The following ROBO2 variants were observed in gnomAD, a reference collection of about 807,000 sequenced individuals.
ROBO2 encodes the protein roundabout guidance receptor 2, also known as roundabout homolog 2.
ROBO2 carries 53 observed loss-of-function variants against 160.8 expected under a neutral mutation model. The observed-to-expected ratio is 0.33, with a 90% CI of 0.26 to 0.41. ROBO2 has a LOEUF of 0.41. ROBO2 is among the 10% of genes least tolerant of loss of function. The pLI is 1.00. For missense variants in ROBO2, 1,577 were observed against 1,722.4 expected (o/e 0.92, Z 1.49); for synonymous variants, 664 against 611.7 (o/e 1.09, Z -1.26).
intron 3 of ROBO2, among the ~76,000 whole-genome samples, chr3:77,480,235 G>C (rs2084520133): frequency 6.6e-6 from 1 of 151,164 alleles, no homozygotes; most frequent in South Asian, 2.1e-4. Context: ...AAACCAACAT[G>C]TTCTTATCTT....
At chr3:77,042,380 A>G (rs1265165967) in intron 1 of ROBO2, among the ~76,000 whole-genome samples, 1 of 152,238 alleles carries the variant, frequency 6.6e-6, no homozygotes, top group Non-Finnish European at 1.5e-5. Context: ...AATTTGGTAT[A>G]ACTTTTAAAA....
intron 2 of ROBO2, among the ~76,000 whole-genome samples, chr3:77,220,010 G>A (rs1207432430): frequency 1.3e-5 from 2 of 151,440 alleles, no homozygotes; most frequent in Non-Finnish European, 2.9e-5. Flanking sequence ...CTGTTTTTTT[G>A]TTTGTCTTGT....
Position 76,321,434 on chromosome 3 carries a change from C to T in ROBO2, c.109+383832C>T, listed in dbSNP as rs539250729. On this transcript the variant is annotated intron_variant, in intron 2 of 26. Coordinates refer to the ROBO2 transcript ENST00000487694. ...AGGAGAATCTCTTGAACCCAGGAGG[C>T]GGAAGTTGCAGTAAGATCATGCCAC... is the stretch of plus-strand genomic sequence containing the variant. Among the ~76,000 whole-genome samples, 11 of 152,120 alleles carry T rather than the reference C, an allele frequency of 7.2e-5. No homozygotes were observed. The East Asian group carries it at 1.2e-3, about 16-fold the overall frequency.
chr3:77,380,170 G>A (rs1383730274), intron 2 of ROBO2, among the ~76,000 whole-genome samples: 2 of 152,218 alleles, frequency 1.3e-5, no homozygotes, highest in South Asian at 2.1e-4. Flanking sequence ...GCCACCTGAA[G>A]TGGAATTTTA....
chr3:76,615,408 A>C (rs10511051), intron 2 of ROBO2, among the ~76,000 whole-genome samples: 49,743 of 152,000 alleles, frequency 0.33, 9,244 homozygotes, highest in Middle Eastern at 0.45. Flanking sequence ...TTTAATAATA[A>C]TAATCATCCC....
At chr3:75,930,457 A>C (rs186683641) in intron 1 of ROBO2, among the ~76,000 whole-genome samples, 1 of 152,208 alleles carries the variant, frequency 6.6e-6, no homozygotes, top group Non-Finnish European at 1.5e-5. Context: ...TAGTAGAACA[A>C]TTTATTTGTT....
At chr3:77,558,258 C>T (rs186792854) in intron 9 of ROBO2, 109 bp downstream of exon 10, 96 of 864,268 alleles carry the variant, frequency 1.1e-4, no homozygotes, top group Non-Finnish European at 1.6e-4. Flanking sequence ...AATTGCTGCA[C>T]GTTTAAAAAC....
chr3:76,282,598 C>G (rs970963515), intron 2 of ROBO2, among the ~76,000 whole-genome samples: 1 of 151,876 alleles, frequency 6.6e-6, no homozygotes. Context: ...CATTTTAAAA[C>G]TTTGTGCTGA....
chr3:77,468,634 C>T (rs1582208282), intron 2 of ROBO2, among the ~76,000 whole-genome samples: 1 of 152,176 alleles, frequency 6.6e-6, no homozygotes, highest in East Asian at 1.9e-4. Context: ...TCGAAGCTGG[C>T]CATTCCTCCT....
chr3:77,544,668 G>A (rs1489533872), intron 6 of ROBO2, among the ~76,000 whole-genome samples: 5 of 152,036 alleles, frequency 3.3e-5, no homozygotes, highest in African/African-American at 9.7e-5. Flanking sequence ...CTTTTCTCCT[G>A]AAGGACTGAA....
At chr3:76,800,426 A>C (rs1041938426) in intron 2 of ROBO2, among the ~76,000 whole-genome samples, 2 of 152,194 alleles carry the variant, frequency 1.3e-5, no homozygotes, top group African/African-American at 4.8e-5. Flanking sequence ...CAACAAAGTG[A>C]AGAGACAACC....
At chr3:76,358,811 G>C (rs2075330410) in intron 2 of ROBO2, among the ~76,000 whole-genome samples, 1 of 151,632 alleles carries the variant, frequency 6.6e-6, no homozygotes, top group Non-Finnish European at 1.5e-5. Context: ...TAGGGTACAT[G>C]TGCACAATGT....
intron 1 of ROBO2, among the ~76,000 whole-genome samples, chr3:75,917,628 G>A (rs1351561186): frequency 6.6e-6 from 1 of 152,152 alleles, no homozygotes. Flanking sequence ...TTCCACAATG[G>A]TTGAACTATT....
intron 2 of ROBO2, among the ~76,000 whole-genome samples, chr3:76,359,241 A>G (rs115963619): frequency 2.0e-5 from 3 of 152,048 alleles, no homozygotes; most frequent in African/African-American, 4.8e-5. Flanking sequence ...ATACGTGTGC[A>G]TGTGTCTTGG....
At chr3:76,880,034 C>T (rs1305341683) in intron 2 of ROBO2, among the ~76,000 whole-genome samples, 7 of 152,046 alleles carry the variant, frequency 4.6e-5, no homozygotes, top group Admixed American at 4.6e-4. Context: ...TACATGTTTT[C>T]CAAGGGCCTT....
chr3:76,600,387 G>C (rs1407476616), intron 2 of ROBO2, among the ~76,000 whole-genome samples: 1 of 152,154 alleles, frequency 6.6e-6, no homozygotes, highest in Non-Finnish European at 1.5e-5. Flanking sequence ...GTAAGTCTCT[G>C]TGTTAGTTCG....
chr3:76,400,095 C>T (rs1376076549), intron 2 of ROBO2, among the ~76,000 whole-genome samples: 1 of 151,654 alleles, frequency 6.6e-6, no homozygotes, highest in African/African-American at 2.4e-5. Context: ...AACAAACTTT[C>T]ATTTTGTGTA....
intron 2 of ROBO2, among the ~76,000 whole-genome samples, chr3:77,260,255 T>C (rs898481417): frequency 6.6e-6 from 1 of 152,186 alleles, no homozygotes; most frequent in African/African-American, 2.4e-5. Flanking sequence ...TTACTGAATA[T>C]ATTATTTTGC....
At chr3:77,644,661 T>C (rs2095393224) in intron 24 of ROBO2, 43 bp from the exon 27 acceptor site, 1 of 1,574,960 alleles carries the variant, frequency 6.3e-7, no homozygotes, top group East Asian at 2.2e-5. Context: ...TTTGCCTCCA[T>C]GTTTCTGTTC....
Sources: gnomAD v4.1 joint callset for allele counts (sites outside exome capture counted in the v4.1 genomes callset) on GRCh38, gnomAD v4.1.1 for gene constraint, MANE v1.5 for transcripts, NCBI Gene and HGNC (gene_info 2026-07-23, HGNC 2026-07-21) for gene names.